The following JAKMIP2 variants were observed in gnomAD, a reference collection of about 807,000 sequenced individuals.
JAKMIP2 encodes the protein janus kinase and microtubule-interacting protein 2.
JAKMIP2 carries 25 observed loss-of-function variants against 115.0 expected under a neutral mutation model. The observed-to-expected ratio is 0.22, with a 90% confidence interval of 0.16 to 0.30. JAKMIP2 has a LOEUF of 0.30. Among genes scored for constraint, JAKMIP2 ranks in the 10% least tolerant of loss-of-function variants. JAKMIP2 has a pLI of 1.00. For missense variants in JAKMIP2, 642 were observed against 957.6 expected, an observed-to-expected ratio of 0.67 and a Z score of 4.35; for synonymous variants, 334 against 343.6, an observed-to-expected ratio of 0.97 and a Z score of 0.31.
intron 12 of JAKMIP2, among the ~76,000 whole-genome samples, chr5:147,634,022 T>C (rs1757492630): frequency 6.6e-6 from 1 of 152,192 alleles, no homozygotes; most frequent in African/African-American, 2.4e-5. Flanking sequence ...TCAGAAAATC[T>C]TTATGAAGTA....
chr5:147,598,425 C>CATCTAT (rs151228804), intron 21 of JAKMIP2, among the ~76,000 whole-genome samples: 1 of 148,340 alleles, frequency 6.7e-6, no homozygotes, highest in Non-Finnish European at 1.5e-5. Flanking sequence ...CTCTCATTTT[C>CATCTAT]ATCTATCTAT....
At chr5:147,725,436 T>C (rs1383329347) in intron 1 of JAKMIP2, among the ~76,000 whole-genome samples, 3 of 152,174 alleles carry the variant, frequency 2.0e-5, no homozygotes, top group African/African-American at 7.2e-5. Context: ...TTCTTTCTCG[T>C]GCAAGGTCCA....
intron 1 of JAKMIP2, among the ~76,000 whole-genome samples, chr5:147,774,838 T>C (rs924555930): frequency 6.6e-6 from 1 of 152,164 alleles, no homozygotes; most frequent in Non-Finnish European, 1.5e-5. Context: ...TTGGAAAAGA[T>C]GGCATGATGA....
In JAKMIP2 at chr5:147,587,814, C is replaced by T. The variant is rs1422892976; in HGVS notation, c.*3893G>A. The T allele has an allele frequency of 6.6e-6, 1 of 152,038 alleles. No individual in the cohort carries two copies. Among genetic ancestry groups the T allele is most frequent in the Non-Finnish European group, 1.5e-5 (1 of 68,024 alleles). 9.4% of individuals were successfully genotyped at this position (152,038 alleles called of 1,614,324 possible). ...ACTGCAGCAAAATTTATTTGGCAAA[C>T]TTTATTTCTCCTATTACTAGTGGAG... On this transcript the variant is annotated 3_prime_UTR_variant, in exon 22 of 22. Transcript: ENST00000616793.
intron 14 of JAKMIP2, among the ~76,000 whole-genome samples, chr5:147,630,328 C>T (rs1036522414): frequency 6.6e-6 from 1 of 151,880 alleles, no homozygotes; most frequent in Non-Finnish European, 1.5e-5. Flanking sequence ...GAACTCCATT[C>T]GAAAGAGTTC....
intron 12 of JAKMIP2, 62 bp downstream of exon 12, chr5:147,636,160 G>A: frequency 7.1e-7 from 1 of 1,405,144 alleles, no homozygotes; most frequent in South Asian, 1.2e-5. Flanking sequence ...AGCACCCCCT[G>A]CTGCTCCTGG....
intron 1 of JAKMIP2, among the ~76,000 whole-genome samples, chr5:147,682,865 T>A (rs984895089): frequency 2.0e-5 from 3 of 152,324 alleles, no homozygotes; most frequent in African/African-American, 7.2e-5. Flanking sequence ...CCTCCATCCA[T>A]CATAGTAACA....
rs893768511 is a variant in JAKMIP2 at position 147,591,789 on chromosome 5, A to G, written c.*21-103T>C. On this transcript the variant is annotated intron_variant, in intron 21 of 21. Transcript: ENST00000616793. ...AGACACAAATTTTTTATTCTTTACC[A>G]CTGCTTTGATGTGTATGATCTTATG... 19 of 706,820 alleles carry G rather than the reference A, an allele frequency of 2.7e-5. No individual in the cohort carries two copies. In the African/African-American group the frequency reaches 3.3e-4, roughly 12 times the overall value. 43.8% of individuals were successfully genotyped at this position (706,820 alleles called of 1,614,324 possible).
At chr5:147,724,197 C>T (rs931089711) in intron 1 of JAKMIP2, among the ~76,000 whole-genome samples, 4 of 152,102 alleles carry the variant, frequency 2.6e-5, no homozygotes, top group Non-Finnish European at 4.4e-5. Flanking sequence ...AGGCACAAGA[C>T]CTTAAATTTG....
intron 3 of JAKMIP2, 162 bp downstream of exon 3, chr5:147,660,786 A>G: frequency 1.1e-5 from 8 of 735,852 alleles, no homozygotes; most frequent in Admixed American, 2.8e-5. Flanking sequence ...CGATTGATCT[A>G]CCTACCTACA....
At chr5:147,625,974 C>T (rs757111494) in intron 16 of JAKMIP2, among the ~76,000 whole-genome samples, 1 of 152,164 alleles carries the variant, frequency 6.6e-6, no homozygotes, top group Non-Finnish European at 1.5e-5. Flanking sequence ...TATGTTCTCA[C>T]TCAAGGTCAC....
intron 1 of JAKMIP2, among the ~76,000 whole-genome samples, chr5:147,723,186 C>A (rs951442606): frequency 3.3e-5 from 5 of 151,972 alleles, no homozygotes; most frequent in African/African-American, 1.2e-4. Context: ...AGAGAGAATA[C>A]CATATATCCT....
rs144168301 is a variant in JAKMIP2, at chr5:147,636,213, C to T, written c.1677+9G>A. 26,955 of 1,609,004 alleles carry T rather than the reference C, an allele frequency of 0.017. 999 individuals are homozygous for T. Among genetic ancestry groups the T allele is most frequent in the Admixed American group, 0.15 (8,898 of 59,948 alleles). On this transcript the variant is annotated intron_variant, in intron 12 of 21. Coordinates refer to ENST00000616793, the MANE Select transcript of JAKMIP2 (RefSeq NM_001270941.2). ...CCTCTGCCCCGCTAGGGTGTTGTGC[C>T]CAACATACCTTTTCTAAAAGCTCCT...
intron 8 of JAKMIP2, 65 bp from the exon 9 acceptor site, chr5:147,640,888 T>A: frequency 7.0e-7 from 1 of 1,427,470 alleles, no homozygotes; most frequent in Non-Finnish European, 9.7e-7. Context: ...AACGTTAAAA[T>A]ACTGTCAACT....
At chr5:147,670,866 C>T (rs1019492549) in intron 2 of JAKMIP2, among the ~76,000 whole-genome samples, 4 of 152,136 alleles carry the variant, frequency 2.6e-5, no homozygotes, top group Admixed American at 6.5e-5. Flanking sequence ...TCTAGGGACA[C>T]TAAGTAAACT....
At chr5:147,637,920 T>C (rs1757700436) in intron 10 of JAKMIP2, among the ~76,000 whole-genome samples, 1 of 152,066 alleles carries the variant, frequency 6.6e-6, no homozygotes, top group Non-Finnish European at 1.5e-5. Flanking sequence ...TTTGTTGTTG[T>C]TTTACAATCT....
chr5:147,628,885 G>T, intron 15 of JAKMIP2, 69 bp from the exon 16 acceptor site: 1 of 1,104,126 alleles, frequency 9.1e-7, no homozygotes, highest in Non-Finnish European at 1.4e-6. Context: ...AATACTGTCT[G>T]ACTGACTGCT....
rs1176558489 is a variant in JAKMIP2 at position 147,620,746 on chromosome 5, A to G, written c.2065-3T>C. The G allele has an allele frequency of 4.3e-6, 7 of 1,609,818 alleles. No individual in the cohort carries two copies. In the East Asian group the frequency reaches 6.7e-5, roughly 15 times the overall value. ...CCTTTTATTTTGCAGAACTGTTCCT[A>G]TAACAAAGGGCCATATTGATAGAGT... On this transcript the variant is annotated splice_polypyrimidine_tract_variant and splice_region_variant and intron_variant, in intron 17 of 21. Transcript: ENST00000616793.
chr5:147,660,394 G>A (rs1758895351), intron 3 of JAKMIP2: 1 of 433,136 alleles, frequency 2.3e-6, no homozygotes, highest in South Asian at 1.7e-5. Flanking sequence ...TGTATACTTT[G>A]GGAAAAATAT....
Sources: gnomAD v4.1 joint callset for allele counts (sites outside exome capture counted in the v4.1 genomes callset) on GRCh38, gnomAD v4.1.1 for gene constraint, MANE v1.5 for transcripts, NCBI Gene and HGNC (gene_info 2026-07-23, HGNC 2026-07-21) for gene names.